Variants in KDM4C observed in about 807,000 individuals in gnomAD.
The protein encoded by KDM4C is lysine demethylase 4C, also known as lysine-specific demethylase 4C.
Under a neutral mutation model 129.3 loss-of-function variants are expected in KDM4C, and 81 were observed. That is an observed-to-expected ratio of 0.63 (90% CI 0.52 to 0.75). The LOEUF is 0.75. Ranked by LOEUF, KDM4C falls within the 30% of genes least tolerant of loss-of-function variation. The pLI is 0.00. For missense variants in KDM4C, 1,457 were observed against 1,304.0 expected (o/e 1.12, Z -1.81); for synonymous variants, 573 against 456.1 (o/e 1.26, Z -3.26).
chr9:6,911,867 A>AG (rs1042096704), intron 8 of KDM4C, among the ~76,000 whole-genome samples: 22 of 152,202 alleles, frequency 1.4e-4, no homozygotes, highest in Middle Eastern at 3.4e-3. Context: ...CTGTTGCCTG[A>AG]GGGGGTAAAC....
At chr9:7,135,421 G>T (rs1476404308) in intron 19 of KDM4C, among the ~76,000 whole-genome samples, 1 of 152,052 alleles carries the variant, frequency 6.6e-6, no homozygotes, top group Non-Finnish European at 1.5e-5. Flanking sequence ...TTCATCTTCA[G>T]CCTAAAGAAT....
chr9:6,940,031 TTCTTTCCTTCCTTCCC>T lies in KDM4C; in HGVS notation c.922-40891_922-40876del, dbSNP rs1270498862. 2.8e-3 allele frequency among the ~76,000 whole-genome samples: 351 copies of T among 126,158 alleles called. 3 individuals carry two copies. Among genetic ancestry groups the T allele is most frequent in the Admixed American group, 4.9e-3 (64 of 13,080 alleles). The allele number at this position is 126,158 out of a possible 152,430, so 82.8% of individuals were successfully genotyped here. Reference sequence around the variant, plus strand: ...CTTCCTTCCTTCCTTCCTTCCTTCCTTCTTTCCTTCCTTCCCTCCTTCCCTCCTTCCCTCCTTCTCT... The same window carrying T: ...CTTCCTTCCTTCCTTCCTTCCTTCCTTCCTTCCCTCCTTCCCTCCTTCTCT... On this transcript the variant is annotated intron_variant, in intron 8 of 21. Transcript: ENST00000381309.
At chr9:6,988,655 G>GTCATCCATCCAC (rs55955234) in intron 11 of KDM4C, among the ~76,000 whole-genome samples, 5 of 149,128 alleles carry the variant, frequency 3.4e-5, no homozygotes, top group African/African-American at 1.2e-4. Flanking sequence ...ATTTTTTAAA[G>GTCATCCATCCAC]CCATCCATCC....
intron 3 of KDM4C, among the ~76,000 whole-genome samples, chr9:6,812,217 A>G (rs1195787398): frequency 1.3e-5 from 2 of 151,626 alleles, no homozygotes; most frequent in Non-Finnish European, 2.9e-5. Context: ...AGCCTGGGTG[A>G]CAGAACAAGA....
At chr9:7,130,483 G>T (rs1840501004) in intron 19 of KDM4C, among the ~76,000 whole-genome samples, 1 of 152,114 alleles carries the variant, frequency 6.6e-6, no homozygotes, top group South Asian at 2.1e-4. Context: ...AAGTACACTT[G>T]AGTGTTGTGA....
intron 15 of KDM4C, among the ~76,000 whole-genome samples, chr9:7,026,099 G>C (rs1230939910): frequency 6.6e-6 from 1 of 151,954 alleles, no homozygotes; most frequent in African/African-American, 2.4e-5. Context: ...CCAGCTACCT[G>C]TGAGGCTGAG....
Position 6,734,919 on chromosome 9 carries a change from C to T in KDM4C, c.49+13922C>T, listed in dbSNP as rs115316303. ...AGGTAGTCCCCAGTCTGTGCTAAGT[C>T]TGTGGCTGTGCAACTTTTCAGAGGG... On this transcript the variant is annotated intron_variant, in intron 1 of 17. Transcript: ENST00000536108. The T allele has an allele frequency of 3.0e-3, 1,718 of 574,396 alleles. 19 individuals are homozygous for T. The highest frequency in any genetic ancestry group is 0.028 in the African/African-American group (1,505 of 53,216). 35.6% of individuals were successfully genotyped at this position (574,396 alleles called of 1,614,324 possible). A position where few individuals can be genotyped will look rare whatever the true frequency, so the allele number is the denominator to read the frequency against.
intron 5 of KDM4C, among the ~76,000 whole-genome samples, chr9:6,857,591 T>G (rs984892726): frequency 5.9e-5 from 9 of 152,170 alleles, no homozygotes; most frequent in African/African-American, 2.2e-4. Flanking sequence ...TCTCACTCTT[T>G]TTTCCTGAAG....
At position 6,938,824 on chromosome 9, in the gene KDM4C, A is replaced by T. The variant is rs563012444; in HGVS notation, c.922-42101A>T. ...AGAAAGATGGTAATTTTTTTCTTATATAAATATTTATTTTTCAGATACACT... is the reference window on the plus strand; with the variant it reads ...AGAAAGATGGTAATTTTTTTCTTATTTAAATATTTATTTTTCAGATACACT... On this transcript the variant is annotated intron_variant, in intron 8 of 21. Coordinates refer to ENST00000381309, the MANE Select transcript of KDM4C (RefSeq NM_015061.6). Among the ~76,000 whole-genome samples the T allele has an allele frequency of 4.6e-5, 7 of 150,724 alleles. No homozygotes were observed. In the South Asian group the frequency reaches 1.5e-3, roughly 32 times the overall value.
chr9:6,753,429 G>A (rs1162015103), upstream of KDM4C, among the ~76,000 whole-genome samples: 1 of 152,100 alleles, frequency 6.6e-6, no homozygotes, highest in Admixed American at 6.6e-5. Context: ...CACAGACTGG[G>A]TAATTTATTT....
chr9:6,943,751 T>C (rs974242602), intron 8 of KDM4C, among the ~76,000 whole-genome samples: 16 of 152,342 alleles, frequency 1.1e-4, no homozygotes, highest in African/African-American at 3.8e-4. Context: ...TAGAATACTT[T>C]ACTGCATTGT....
At chr9:6,844,698 T>C (rs1249347536) in intron 4 of KDM4C, among the ~76,000 whole-genome samples, 2 of 152,040 alleles carry the variant, frequency 1.3e-5, no homozygotes, top group African/African-American at 2.4e-5. Flanking sequence ...TGATATTTCT[T>C]TTTTTTTGAG....
chr9:6,868,221 C>T (rs761788043), intron 5 of KDM4C, among the ~76,000 whole-genome samples: 2 of 151,780 alleles, frequency 1.3e-5, no homozygotes, highest in Non-Finnish European at 2.9e-5. Context: ...CCTTACGCCA[C>T]TGGTGGCCCA....
intron 19 of KDM4C, 113 bp from the exon 20 acceptor site, chr9:7,165,125 A>G: frequency 7.8e-7 from 1 of 1,288,638 alleles, no homozygotes; most frequent in Non-Finnish European, 1.1e-6. Flanking sequence ...CATAATCCAT[A>G]AAACACAGAG....
chr9:6,987,662 C>T (rs1416368997), intron 11 of KDM4C, among the ~76,000 whole-genome samples: 3 of 152,070 alleles, frequency 2.0e-5, no homozygotes, highest in East Asian at 1.9e-4. Flanking sequence ...GAATACCTTG[C>T]GTCTTATCAG....
chr9:6,743,867 T>TG (rs1313027684), intron 1 of KDM4C, among the ~76,000 whole-genome samples: 2 of 151,776 alleles, frequency 1.3e-5, no homozygotes, highest in African/African-American at 2.4e-5. Context: ...CTTGTTGGGG[T>TG]GGGGGACACC....
intron 18 of KDM4C, among the ~76,000 whole-genome samples, chr9:7,117,358 C>G (rs991400454): frequency 6.6e-6 from 1 of 152,050 alleles, no homozygotes; most frequent in Non-Finnish European, 1.5e-5. Flanking sequence ...AACCCATTCA[C>G]CAACTGTAAT....
chr9:6,951,160 T>C (rs1357089837), intron 8 of KDM4C, among the ~76,000 whole-genome samples: 2 of 152,198 alleles, frequency 1.3e-5, no homozygotes. Flanking sequence ...CAAACACTTA[T>C]CATTTCTTGG....
chr9:7,064,998 A>G (rs796810770), intron 17 of KDM4C, among the ~76,000 whole-genome samples: 1 of 152,238 alleles, frequency 6.6e-6, no homozygotes, highest in South Asian at 2.1e-4. Context: ...TTGAAAACAA[A>G]CACAAGACCA....
Sources: gnomAD v4.1 joint callset for allele counts (sites outside exome capture counted in the v4.1 genomes callset) on GRCh38, gnomAD v4.1.1 for gene constraint, MANE v1.5 for transcripts, NCBI Gene and HGNC (gene_info 2026-07-23, HGNC 2026-07-21) for gene names.